Variants in PHKB observed in about 807,000 individuals in gnomAD.
PHKB encodes phosphorylase b kinase regulatory subunit beta.
A neutral mutation model predicts 152.1 loss-of-function variants in PHKB; 122 were observed. The observed-to-expected ratio is 0.80, with a 90% CI of 0.69 to 0.93. PHKB has a LOEUF of 0.93. PHKB is among the 40% of genes least tolerant of loss of function. PHKB has a pLI of 0.00. For synonymous variants in PHKB, 436 were observed against 464.9 expected, an observed-to-expected ratio of 0.94 and a Z score of 0.80; for missense variants, 1,304 against 1,328.4, an observed-to-expected ratio of 0.98 and a Z score of 0.29.
In PHKB at chr16:47,650,896, T is replaced by G; in HGVS notation, c.1946T>G (p.Val649Gly). ...AALKKGIIGG[V>G]KVHVDRLQTL... ...CTTAAAAAAGGAATAATTGGAGGAG[T>G]CAAAGTTCATGTGGATCGTCTACAG... The change falls in exon 20 of 31, where the codon GTC (valine) becomes GGC (glycine). Residue 649 changes from valine to glycine, a missense_variant. Coordinates refer to ENST00000323584, the MANE Select transcript of PHKB (RefSeq NM_000293.3). 6.2e-7 allele frequency: 1 copy of G among 1,613,260 alleles called. No homozygotes were observed. The highest frequency in any genetic ancestry group is 8.5e-7 in the Non-Finnish European group (1 of 1,179,310).
chr16:47,582,060 T>G (rs1971857424), intron 8 of PHKB, among the ~76,000 whole-genome samples: 2 of 152,196 alleles, frequency 1.3e-5, no homozygotes, highest in Non-Finnish European at 2.9e-5. Context: ...TTCTAGAGCA[T>G]ATATCAAGGA....
chr16:47,683,990 T>A (rs1201880356), intron 26 of PHKB, among the ~76,000 whole-genome samples: 1 of 152,132 alleles, frequency 6.6e-6, no homozygotes, highest in Non-Finnish European at 1.5e-5. Context: ...AAAAAAATTA[T>A]TTTTTCCAAG....
chr16:47,650,558 C>A lies in PHKB; in HGVS notation c.1812C>A (p.Phe604Leu). The A allele has an allele frequency of 6.2e-7, 1 of 1,601,122 alleles. No homozygotes were observed. The highest frequency in any genetic ancestry group is 8.6e-7 in the Non-Finnish European group (1 of 1,168,338). ...LIDDIKNALQ[F>L]IKQYWKMHGR... Reference sequence around the variant, plus strand: ...CTGTTTGACAGAATGCGCTGCAGTTCATTAAACAATATTGGAAAATGCATG... The same window carrying A: ...CTGTTTGACAGAATGCGCTGCAGTTAATTAAACAATATTGGAAAATGCATG... The change falls in exon 19 of 31, where the codon TTC becomes TTA. Residue 604 changes from phenylalanine (F) to leucine (L), a missense_variant. Phe to Leu is a conservative substitution (Grantham distance 22). Coordinates refer to ENST00000323584, the MANE Select transcript of PHKB (RefSeq NM_000293.3).
chr16:47,471,557 T>A (rs1969768407), intron 1 of PHKB, among the ~76,000 whole-genome samples: 1 of 152,226 alleles, frequency 6.6e-6, no homozygotes, highest in African/African-American at 2.4e-5. Flanking sequence ...CCACTCAATC[T>A]ATGTTTGATA....
In PHKB at chr16:47,660,516, C is replaced by T; in HGVS notation, c.1982C>T (p.Ser661Phe). 6.2e-7 allele frequency: 1 copy of T among 1,612,990 alleles called. No individual in the cohort carries two copies. Residue 661 changes from serine (S) to phenylalanine (F), a missense_variant, in exon 21 of 31, where the codon TCT becomes TTT. By Grantham distance (155) the Ser-to-Phe change is radical. Transcript: ENST00000323584. ...TCGATCACGTTTCAGACACTAATAT[C>T]TGGAGCTGTGGTAGAACAACTTGAT... is the stretch of plus-strand genomic sequence containing the variant. ...VHVDRLQTLISGAVVEQLDFL... is the reference protein window; with the variant it reads ...VHVDRLQTLIFGAVVEQLDFL...
chr16:47,468,048 T>G (rs1338427305), intron 1 of PHKB, among the ~76,000 whole-genome samples: 1 of 152,246 alleles, frequency 6.6e-6, no homozygotes, highest in Non-Finnish European at 1.5e-5. Flanking sequence ...ACCATTATTC[T>G]TCCAGCTACT....
intron 14 of PHKB, 97 bp downstream of exon 14, chr16:47,611,017 C>T (rs1251092187): frequency 1.7e-5 from 13 of 757,884 alleles, no homozygotes; most frequent in Non-Finnish European, 2.9e-5. Context: ...TTTGTTGTTC[C>T]TTCTGACGGA....
Position 47,524,111 on chromosome 16 carries a change from A to G in PHKB, c.594+8510A>G, listed in dbSNP as rs115529305. The stretch of plus-strand genomic sequence containing the variant: ...CTTGATTTAATGCTCGGATCGTTGT[A>G]TGCTCTTGTTGAATTTCCGGAGTTC... On this transcript the variant is annotated intron_variant, in intron 6 of 30. Transcript: ENST00000323584. 5.7e-3 allele frequency among the ~76,000 whole-genome samples: 869 copies of G among 152,260 alleles called. 8 individuals are homozygous for G. Among genetic ancestry groups the G allele is most frequent in the African/African-American group, 0.02 (831 of 41,562 alleles).
chr16:47,577,820 T>C (rs1971775416), intron 7 of PHKB, among the ~76,000 whole-genome samples: 1 of 152,190 alleles, frequency 6.6e-6, no homozygotes, highest in Non-Finnish European at 1.5e-5. Flanking sequence ...CGATGTGTCT[T>C]AGCATGGACA....
In PHKB at chr16:47,587,769, A is replaced by G; in HGVS notation, c.870+6A>G. ...CCAGAGAATCAAGATCACATGTGAG[A>G]CATTTAATAATGATAAATTTAACAT... On this transcript the variant is annotated splice_donor_region_variant and intron_variant, in intron 9 of 30. Transcript: ENST00000323584. The G allele has an allele frequency of 1.9e-6, 3 of 1,576,238 alleles. No individual in the cohort carries two copies. Among genetic ancestry groups the G allele is most frequent in the Non-Finnish European group, 1.7e-6 (2 of 1,145,516 alleles).
chr16:47,699,301 G>A lies in PHKB; in HGVS notation c.3217G>A (p.Val1073Met). The stretch of plus-strand genomic sequence containing the variant: ...AACATGCAGCTATTTGACAAAGGCG[G>A]TGATGAATCTGCTGCTGGAAGGAGA... ...RGTCSYLTKAVMNLLLEGEVK... is the reference protein window; with the variant it reads ...RGTCSYLTKAMMNLLLEGEVK... Residue 1073 changes from valine to methionine, a missense_variant, in exon 31 of 31, where the codon GTG (valine) becomes ATG (methionine). Physicochemically the swap from Val to Met is conservative, Grantham distance 21. Coordinates refer to ENST00000323584, the MANE Select transcript of PHKB (RefSeq NM_000293.3). 6.2e-7 allele frequency: 1 copy of A among 1,614,140 alleles called. No individual in the cohort carries two copies. Among genetic ancestry groups the A allele is most frequent in the Middle Eastern group, 1.6e-4 (1 of 6,062 alleles).
At chr16:47,676,473 TAAG>T (rs751116947) in intron 26 of PHKB, 8 of 152,210 alleles carry the variant, frequency 5.3e-5, no homozygotes, top group Admixed American at 2.6e-4. Context: ...CCATAAGAAA[TAAG>T]AACATTTGCC....
chr16:47,598,284 C>A (rs1309717432), intron 13 of PHKB, among the ~76,000 whole-genome samples: 3 of 152,088 alleles, frequency 2.0e-5, no homozygotes, highest in Non-Finnish European at 4.4e-5. Flanking sequence ...AGTTAAGGAC[C>A]TTTTCTTCTT....
chr16:47,585,951 G>A (rs543900620), intron 8 of PHKB, among the ~76,000 whole-genome samples: 61 of 152,042 alleles, frequency 4.0e-4, no homozygotes, highest in African/African-American at 1.4e-3. Flanking sequence ...TTAATTCTTG[G>A]CCTAAAGATA....
At chr16:47,578,742 T>C (rs1278374637) in intron 7 of PHKB, among the ~76,000 whole-genome samples, 1 of 152,180 alleles carries the variant, frequency 6.6e-6, no homozygotes, top group African/African-American at 2.4e-5. Flanking sequence ...GACACCACCA[T>C]GACTAAGAGA....
At chr16:47,654,380 G>A (rs923089114) in intron 20 of PHKB, among the ~76,000 whole-genome samples, 3 of 152,010 alleles carry the variant, frequency 2.0e-5, no homozygotes, top group Admixed American at 6.5e-5. Flanking sequence ...CAACCATTGT[G>A]GATGTCGGTG....
intron 23 of PHKB, 85 bp downstream of exon 23, chr16:47,661,885 A>T: frequency 2.3e-6 from 2 of 877,992 alleles, no homozygotes; most frequent in South Asian, 2.7e-5. Context: ...TATCCACTAA[A>T]ATGTTACAAG....
At chr16:47,537,424 C>T (rs996913472) in intron 6 of PHKB, among the ~76,000 whole-genome samples, 1 of 152,222 alleles carries the variant, frequency 6.6e-6, no homozygotes, top group African/African-American at 2.4e-5. Flanking sequence ...ACTTCTTTAT[C>T]ATGCCAGCTC....
rs745633028 is a variant in PHKB, at chr16:47,497,401, T to A, written c.79T>A (p.Ser27Thr). ...ERRARTKRSG[S>T]VYEPLKSINL... The stretch of plus-strand genomic sequence containing the variant: ...TGGGTTTTTATTTTTTCTTTTAGGC[T>A]CAGTTTATGAACCTCTTAAAAGCAT... Residue 27 changes from serine (S) to threonine (T), a missense_variant and splice_region_variant, in exon 2 of 31, where the codon TCA becomes ACA. Transcript: ENST00000323584. 1 of 1,586,586 alleles carries A rather than the reference T, an allele frequency of 6.3e-7. No homozygotes were observed. Among genetic ancestry groups the A allele is most frequent in the African/African-American group, 1.3e-5 (1 of 74,614 alleles).
Sources: allele counts gnomAD v4.1 joint callset (sites outside exome capture counted in the v4.1 genomes callset), GRCh38; gene constraint gnomAD v4.1.1; transcripts MANE v1.5; gene names NCBI Gene and HGNC (gene_info 2026-07-23, HGNC 2026-07-21).